GNAL: variants seen among roughly 807,000 people sequenced by gnomAD.
The protein encoded by GNAL is guanine nucleotide-binding protein G(olf) subunit alpha.
A neutral mutation model predicts 55.1 loss-of-function variants in GNAL; 18 were observed. The ratio of observed to expected loss-of-function variants is 0.33; its 90% CI spans 0.23 to 0.48. The LOEUF (loss-of-function observed/expected upper bound fraction) is 0.48. Ranked by LOEUF, GNAL falls within the 20% of genes least tolerant of loss-of-function variation. GNAL has a pLI of 0.99. For missense variants in GNAL, 412 were observed against 614.1 expected (o/e 0.67, Z 3.48); for synonymous variants, 253 against 237.0 (o/e 1.07, Z -0.62).
At chr18:11,778,053 G>A (rs552371727) in intron 4 of GNAL, among the ~76,000 whole-genome samples, 3 of 152,274 alleles carry the variant, frequency 2.0e-5, no homozygotes, top group Admixed American at 1.3e-4. Context: ...GGCATCACTC[G>A]CTTTCCCCTG....
chr18:11,824,619 C>T (rs373752521), intron 4 of GNAL, among the ~76,000 whole-genome samples: 3 of 151,658 alleles, frequency 2.0e-5, no homozygotes, highest in Admixed American at 6.6e-5. Context: ...ACCTGGGAGG[C>T]GGAGGTTGCG....
In GNAL at chr18:11,762,583, A is replaced by G. The variant is rs147646738; in HGVS notation, c.624+8638A>G. Among the ~76,000 whole-genome samples the G allele has an allele frequency of 7.5e-3, 1,140 of 152,300 alleles. 8 individuals carry two copies. The highest frequency in any genetic ancestry group is 0.026 in the African/African-American group (1,079 of 41,562). On this transcript the variant is annotated intron_variant, in intron 4 of 11. Coordinates refer to ENST00000334049, the MANE Select transcript of GNAL (RefSeq NM_182978.4). ...GGACGGGCTTAGAGGGCAGGTGGACATAGAGAGGACAGTGCTTCAGGGTGG... is the reference window on the plus strand; with the variant it reads ...GGACGGGCTTAGAGGGCAGGTGGACGTAGAGAGGACAGTGCTTCAGGGTGG...
chr18:11,774,778 A>G (rs555364301), intron 4 of GNAL, among the ~76,000 whole-genome samples: 7 of 152,322 alleles, frequency 4.6e-5, no homozygotes, highest in Middle Eastern at 3.4e-3. Flanking sequence ...TATACACTGT[A>G]TCAGCCTTGT....
intron 4 of GNAL, among the ~76,000 whole-genome samples, chr18:11,769,583 C>A (rs1037456568): frequency 6.6e-6 from 1 of 152,140 alleles, no homozygotes; most frequent in Non-Finnish European, 1.5e-5. Context: ...AAAGTGAATC[C>A]ACAGTTGTGG....
intron 1 of GNAL, among the ~76,000 whole-genome samples, chr18:11,740,028 C>G (rs910855529): frequency 6.6e-6 from 1 of 152,160 alleles, no homozygotes; most frequent in African/African-American, 2.4e-5. Context: ...GCCCTCCTTC[C>G]GCATTCACTA....
intron 4 of GNAL, among the ~76,000 whole-genome samples, chr18:11,820,044 G>A (rs907965467): frequency 1.3e-5 from 2 of 152,132 alleles, no homozygotes; most frequent in African/African-American, 4.8e-5. Context: ...CAAATGAAAG[G>A]GGATTTGGGC....
intron 1 of GNAL, among the ~76,000 whole-genome samples, chr18:11,741,483 G>A (rs2032573950): frequency 6.6e-6 from 1 of 152,218 alleles, no homozygotes; most frequent in South Asian, 2.1e-4. Flanking sequence ...TGCTCCCGCT[G>A]TAATCGTTAC....
At chr18:11,697,132 T>G (rs983638647) in intron 1 of GNAL, among the ~76,000 whole-genome samples, 3 of 152,220 alleles carry the variant, frequency 2.0e-5, no homozygotes, top group Non-Finnish European at 4.4e-5. Context: ...CAGCCCCAGG[T>G]GAACACAGCC....
At position 11,785,348 on chromosome 18, in the gene GNAL, G is replaced by A. The variant is rs546866101; in HGVS notation, c.624+31403G>A. The stretch of plus-strand genomic sequence containing the variant: ...TGGAATGGGTGTCCACAAGGCAGAT[G>A]GAAGTATGGGATGCTCCGTGGTAAG... On this transcript the variant is annotated intron_variant, in intron 4 of 11. Transcript: ENST00000334049. Among the ~76,000 whole-genome samples the A allele has an allele frequency of 1.7e-4, 26 of 152,318 alleles. No individual in the cohort carries two copies. In the East Asian group the frequency reaches 4.4e-3, roughly 26 times the overall value.
chr18:11,742,450 C>T (rs1465019140), intron 1 of GNAL, among the ~76,000 whole-genome samples: 1 of 152,218 alleles, frequency 6.6e-6, no homozygotes, highest in Admixed American at 6.5e-5. Flanking sequence ...TACCCTCACC[C>T]ATGCACTGAG....
At chr18:11,717,266 C>A (rs1486687959) in intron 1 of GNAL, among the ~76,000 whole-genome samples, 2 of 152,210 alleles carry the variant, frequency 1.3e-5, no homozygotes, top group African/African-American at 4.8e-5. Flanking sequence ...TCCCCCGGCA[C>A]CTCTCCCTCC....
At chr18:11,764,685 C>A (rs2033351078) in intron 4 of GNAL, among the ~76,000 whole-genome samples, 2 of 152,070 alleles carry the variant, frequency 1.3e-5, no homozygotes. Context: ...CCTGAAATAG[C>A]AACTCCCTGA....
intron 1 of GNAL, among the ~76,000 whole-genome samples, chr18:11,724,722 C>G (rs895992739): frequency 6.6e-6 from 1 of 152,194 alleles, no homozygotes; most frequent in Non-Finnish European, 1.5e-5. Flanking sequence ...TGATGGAGTG[C>G]TGCTGTGCAC....
Position 11,868,737 on chromosome 18 carries a change from G to T in GNAL, c.1031+74G>T, listed in dbSNP as rs191680156. ...TTTGTTAAAAATACGCTCAGGCCAG[G>T]CGTTGTGGCTCACACCTGTAATCTC... On this transcript the variant is annotated intron_variant, in intron 9 of 11. Transcript: ENST00000334049. The surrounding 1 kb of genome is among the most constrained non-coding windows in gnomAD (Gnocchi z 4.0). The T allele has an allele frequency of 5.3e-6, 7 of 1,315,902 alleles. No individual in the cohort carries two copies. The Admixed American group carries it at 1.4e-4, about 26-fold the overall frequency. The allele number at this position is 1,315,902 out of a possible 1,614,324, so 81.5% of individuals were successfully genotyped here. A position where few individuals can be genotyped will look rare whatever the true frequency, so the allele number is the denominator to read the frequency against.
chr18:11,862,267 A>C, intron 5 of GNAL, 128 bp from the exon 6 acceptor site: 1 of 625,930 alleles, frequency 1.6e-6, no homozygotes, highest in African/African-American at 1.8e-5. Context: ...ACAAAGTAAG[A>C]ACTCACTTCA....
chr18:11,691,594 G>A (rs1233092330), intron 1 of GNAL, among the ~76,000 whole-genome samples: 6 of 150,630 alleles, frequency 4.0e-5, no homozygotes, highest in African/African-American at 1.5e-4. Context: ...ATGGTTTTAG[G>A]TCTAACGTTT....
intron 1 of GNAL, among the ~76,000 whole-genome samples, chr18:11,721,851 A>G (rs1017007160): frequency 2.0e-5 from 3 of 151,600 alleles, no homozygotes; most frequent in Admixed American, 1.3e-4. Context: ...ATGCCATTGC[A>G]CTCCAGCCTG....
chr18:11,812,185 G>A (rs2034833976), intron 4 of GNAL, among the ~76,000 whole-genome samples: 2 of 152,210 alleles, frequency 1.3e-5, no homozygotes, highest in South Asian at 4.1e-4. Context: ...ATTTAATTCT[G>A]TACTGTGGGA....
At chr18:11,854,438 AACTG>A (rs2035955979) in intron 5 of GNAL, 1 of 167,090 alleles carries the variant, frequency 6.0e-6, no homozygotes, top group Non-Finnish European at 1.5e-5. Context: ...AATCATTTTA[AACTG>A]CATGTTATTG....
Sources: gnomAD v4.1 joint callset for allele counts (sites outside exome capture counted in the v4.1 genomes callset) on GRCh38, gnomAD v4.1.1 for gene constraint, Gnocchi (gnomAD v3.1) non-coding constraint, MANE v1.5 for transcripts, NCBI Gene and HGNC (gene_info 2026-07-23, HGNC 2026-07-21) for gene names.